The following SLC44A4 variants were observed in gnomAD, a reference collection of about 807,000 sequenced individuals.
SLC44A4 encodes choline transporter-like protein 4.
In SLC44A4, 74 loss-of-function variants were observed where a neutral mutation model predicts 97.0. The ratio of observed to expected loss-of-function variants is 0.76; its 90% CI spans 0.63 to 0.93. The LOEUF is 0.93. Among genes scored for constraint, SLC44A4 ranks in the 40% least tolerant of loss-of-function variants. The pLI is 0.00. For missense variants in SLC44A4, 799 were observed against 902.9 expected (o/e 0.88, Z 1.48); for synonymous variants, 325 against 363.8 (o/e 0.89, Z 1.21).
Position 31,876,709 on chromosome 6 carries a change from G to C in SLC44A4, c.89+325C>G, listed in dbSNP as rs949696837. Among the ~76,000 whole-genome samples, 5 of 152,138 alleles carry C rather than the reference G, an allele frequency of 3.3e-5. No individual in the cohort carries two copies. Among genetic ancestry groups the C allele is most frequent in the African/African-American group, 1.2e-4 (5 of 41,434 alleles). ...AACCCCCATCTCCAAAACACAAAAAGAAAGAAAACCTTTTTCTGGGTGGGT... is the reference window on the plus strand; with the variant it reads ...AACCCCCATCTCCAAAACACAAAAACAAAGAAAACCTTTTTCTGGGTGGGT... On this transcript the variant is annotated intron_variant, in intron 2 of 20. Coordinates refer to ENST00000229729, the MANE Select transcript of SLC44A4 (RefSeq NM_025257.3). This position sits in a 1 kb window ranked among gnomAD's most constrained non-coding sequence, Gnocchi z 4.8.
At position 31,878,882 on chromosome 6, in the gene SLC44A4, T is replaced by C. The variant is rs1306313624; in HGVS notation, c.40+59A>G. The C allele has an allele frequency of 1.3e-6, 2 of 1,580,606 alleles. No individual in the cohort carries two copies. Among genetic ancestry groups the C allele is most frequent in the African/African-American group, 2.7e-5 (2 of 74,168 alleles). The stretch of plus-strand genomic sequence containing the variant: ...CCCTGGAGCCAGCCCCAGACACCAT[T>C]CCCAAAGTACCCGTCCTCCCCTCCC... On this transcript the variant is annotated intron_variant, in intron 1 of 20. Transcript: ENST00000229729. The surrounding 1 kb of genome is among the most constrained non-coding windows in gnomAD (Gnocchi z 4.0).
chr6:31,876,273 T>C lies in SLC44A4; in HGVS notation c.90-144A>G. 1 of 634,698 alleles carries C rather than the reference T, an allele frequency of 1.6e-6. No individual in the cohort carries two copies. Among genetic ancestry groups the C allele is most frequent in the Non-Finnish European group, 2.7e-6 (1 of 372,438 alleles). The allele number at this position is 634,698 out of a possible 1,614,324, so 39.3% of individuals were successfully genotyped here. ...TTTATTTTTATTTTTTTATTGCTTT[T>C]ACTTTTTTATTTTGAGACAGGGTCT... On this transcript the variant is annotated intron_variant, in intron 2 of 20. Coordinates refer to ENST00000229729, the MANE Select transcript of SLC44A4 (RefSeq NM_025257.3). The surrounding 1 kb of genome is among the most constrained non-coding windows in gnomAD (Gnocchi z 4.8).
In SLC44A4 at chr6:31,871,027, AC is replaced by A. The variant is rs1308224020; in HGVS notation, c.721del (p.Val241SerfsTer2). On this transcript the variant is annotated frameshift_variant, in exon 10 of 21. Coordinates refer to ENST00000229729, the MANE Select transcript of SLC44A4 (RefSeq NM_025257.3). LOFTEE classifies it high-confidence loss of function. ...WILVALGVAL[V>X]LSLLFILLLR... ...AAGCAAGATAAACAGTAGGCTCAAG[AC>A]CAGAGCCACCCCCAGGGCACTGTAG... The A allele has an allele frequency of 6.2e-7, 1 of 1,609,186 alleles. No individual in the cohort carries two copies. Among genetic ancestry groups the A allele is most frequent in the Non-Finnish European group, 8.5e-7 (1 of 1,178,650 alleles).
chr6:31,875,090 C>G, intron 4 of SLC44A4, 62 bp from the exon 5 acceptor site: 1 of 1,344,362 alleles, frequency 7.4e-7, no homozygotes, highest in South Asian at 1.2e-5. Flanking sequence ...AGGGGAGGGA[C>G]CACTAGGGTG....
chr6:31,876,958 A>G lies in SLC44A4; in HGVS notation c.89+76T>C, dbSNP rs56236304. 1 of 1,408,992 alleles carries G rather than the reference A, an allele frequency of 7.1e-7. No homozygotes were observed. 87.3% of individuals were successfully genotyped at this position (1,408,992 alleles called of 1,614,324 possible). On this transcript the variant is annotated intron_variant, in intron 2 of 20. Transcript: ENST00000229729. The surrounding 1 kb of genome is among the most constrained non-coding windows in gnomAD (Gnocchi z 4.8). ...ACAAGTTTCCTACTAATATTTTAGC[A>G]AATACAAAGCAAATACTGGATTCCA...
chr6:31,872,505 G>A (rs2151565701), intron 7 of SLC44A4, among the ~76,000 whole-genome samples: 1 of 152,142 alleles, frequency 6.6e-6, no homozygotes, highest in East Asian at 1.9e-4. Context: ...CAAAGTGTTG[G>A]GATTACAGGT....
chr6:31,868,857 T>C (rs1762996557), intron 13 of SLC44A4, among the ~76,000 whole-genome samples: 1 of 151,288 alleles, frequency 6.6e-6, no homozygotes, highest in African/African-American at 2.4e-5. Flanking sequence ...ACTCAGAGGG[T>C]GAAGTGGTTG....
Position 31,878,935 on chromosome 6 carries a change from T to A in SLC44A4, c.40+6A>T. 6.2e-6 allele frequency: 10 copies of A among 1,613,502 alleles called. No homozygotes were observed. Among genetic ancestry groups the A allele is most frequent in the African/African-American group, 1.3e-5 (1 of 75,032 alleles). ...CACAGGGTCCCGGGCCTCGCCCCAGTCTCACCGTAGGCCTCGTCATCCTCG... is the reference window on the plus strand; with the variant it reads ...CACAGGGTCCCGGGCCTCGCCCCAGACTCACCGTAGGCCTCGTCATCCTCG... On this transcript the variant is annotated splice_donor_region_variant and intron_variant, in intron 1 of 20. Transcript: ENST00000229729. The surrounding 1 kb of genome is among the most constrained non-coding windows in gnomAD (Gnocchi z 4.0).
intron 4 of SLC44A4, 34 bp downstream of exon 4, chr6:31,875,818 G>C (rs201161599): frequency 1.3e-6 from 2 of 1,563,756 alleles, no homozygotes; most frequent in Admixed American, 3.5e-5. Flanking sequence ...ACCTCGCCTC[G>C]CTCCTGCACT....
At chr6:31,868,796 AAAAC>A (rs3037223) in intron 13 of SLC44A4, among the ~76,000 whole-genome samples, 66,422 of 148,582 alleles carry the variant, frequency 0.45, 15,284 homozygotes, top group Middle Eastern at 0.55. Flanking sequence ...ACCCTGTCTC[AAAAC>A]AAACAAACAA....
Position 31,874,312 on chromosome 6 carries a change from A to G in SLC44A4, c.529+148T>C, listed in dbSNP as rs941146770. The G allele has an allele frequency of 1.2e-4, 101 of 844,798 alleles. No individual in the cohort carries two copies. Among genetic ancestry groups the G allele is most frequent in the Non-Finnish European group, 1.8e-4 (93 of 513,040 alleles). The allele number at this position is 844,798 out of a possible 1,614,324, so 52.3% of individuals were successfully genotyped here. Reference sequence around the variant, plus strand: ...GATGGTCTGACTGCAAGGCCACATAACAAAGAGCAAAATGAAGACCTGATG... The same window carrying G: ...GATGGTCTGACTGCAAGGCCACATAGCAAAGAGCAAAATGAAGACCTGATG... On this transcript the variant is annotated intron_variant, in intron 7 of 20. Coordinates refer to ENST00000229729, the MANE Select transcript of SLC44A4 (RefSeq NM_025257.3). The surrounding 1 kb of genome is among the most constrained non-coding windows in gnomAD (Gnocchi z 4.8).
At chr6:31,873,601 C>T (rs1318825032) in intron 7 of SLC44A4, among the ~76,000 whole-genome samples, 1 of 149,706 alleles carries the variant, frequency 6.7e-6, no homozygotes, top group Non-Finnish European at 1.5e-5. Flanking sequence ...AGTTCAAGAC[C>T]AGCCTGGGCA....
At position 31,878,975 on chromosome 6, in the gene SLC44A4, C is replaced by T. The variant is rs756350991; in HGVS notation, c.6G>A (p.Gly2=). Residue 2 remains glycine, a synonymous_variant, in exon 1 of 21, where the codon GGG becomes GGA. Coordinates refer to ENST00000229729, the MANE Select transcript of SLC44A4 (RefSeq NM_025257.3). The surrounding 1 kb of genome is among the most constrained non-coding windows in gnomAD (Gnocchi z 4.0). ...CGTCATCCTCGTCCCGCTGCTTTCC[C>T]CCCATGGCTCAGTCTCCGGAGTGAT... M[G]GKQRDEDDEA... 1.2e-6 allele frequency: 2 copies of T among 1,613,758 alleles called. No homozygotes were observed. Among genetic ancestry groups the T allele is most frequent in the East Asian group, 2.2e-5 (1 of 44,886 alleles).
At position 31,863,419 on chromosome 6, in the gene SLC44A4, G is replaced by T; in HGVS notation, c.*208C>A. The T allele has an allele frequency of 3.6e-6, 2 of 563,210 alleles. No individual in the cohort carries two copies. The highest frequency in any genetic ancestry group is 5.8e-6 in the Non-Finnish European group (2 of 345,752). 34.9% of individuals were successfully genotyped at this position (563,210 alleles called of 1,614,324 possible). ...TTTTGTATTTTTAATAGAGACGGAG[G>T]TTTCACCATGTTGGCCAGGCTGGTC... On this transcript the variant is annotated 3_prime_UTR_variant, in exon 21 of 21. Coordinates refer to ENST00000229729, the MANE Select transcript of SLC44A4 (RefSeq NM_025257.3).
At chr6:31,873,116 C>T (rs909721252) in intron 7 of SLC44A4, among the ~76,000 whole-genome samples, 1 of 151,926 alleles carries the variant, frequency 6.6e-6, no homozygotes, top group Non-Finnish European at 1.5e-5. Context: ...ACCTTGTGAT[C>T]CGCCCGCCTC....
chr6:31,869,187 T>A lies in SLC44A4; in HGVS notation c.1201A>T (p.Lys401Ter), dbSNP rs2151559801. Reference protein sequence around the residue: ...ASNISSPGCEKVPINTSCNPT... With the variant: ...ASNISSPGCE ...TTGCATGATGTATTTATTGGCACTTTCTCACAGCCGGGGGAGCTGATGTTG... is the reference window on the plus strand; with the variant it reads ...TTGCATGATGTATTTATTGGCACTTACTCACAGCCGGGGGAGCTGATGTTG... Residue 401 changes from lysine to a stop codon, truncating the protein, a stop_gained, in exon 13 of 21, where the codon AAA becomes TAA. Coordinates refer to ENST00000229729, the MANE Select transcript of SLC44A4 (RefSeq NM_025257.3). LOFTEE classifies it high-confidence loss of function. 6.2e-7 allele frequency: 1 copy of A among 1,610,782 alleles called. No homozygotes were observed. Among genetic ancestry groups the A allele is most frequent in the Non-Finnish European group, 8.5e-7 (1 of 1,179,012 alleles).
chr6:31,864,704 G>A lies in SLC44A4; in HGVS notation c.1959C>T (p.Ser653=), dbSNP rs1460649537. 7 of 1,614,024 alleles carry A rather than the reference G, an allele frequency of 4.3e-6. No homozygotes were observed. The highest frequency in any genetic ancestry group is 5.9e-6 in the Non-Finnish European group (7 of 1,179,994). Residue 653 remains serine (S), a synonymous_variant, in exon 20 of 21, where the codon AGC becomes AGT. Coordinates refer to ENST00000229729, the MANE Select transcript of SLC44A4 (RefSeq NM_025257.3). ...ACATGCCGAAAACGCTGAAGAAGCC[G>A]CTGGCGATGACATAGGCCCCCAGGA... The part of the protein sequence containing the change: ...TSILGAYVIA[S]GFFSVFGMCV...
Position 31,878,814 on chromosome 6 carries a change from C to T in SLC44A4, c.40+127G>A, listed in dbSNP as rs572187617. On this transcript the variant is annotated intron_variant, in intron 1 of 20. Coordinates refer to ENST00000229729, the MANE Select transcript of SLC44A4 (RefSeq NM_025257.3). This position sits in a 1 kb window ranked among gnomAD's most constrained non-coding sequence, Gnocchi z 4.0. ...CCCTCCCTCCATGGCTCCCGGTTCC[C>T]GGGCCCTCCCCTCAGGGACACAGTA... The T allele has an allele frequency of 4.6e-4, 544 of 1,179,594 alleles. 1 individual carries two copies. The highest frequency in any genetic ancestry group is 6.0e-4 in the Non-Finnish European group (480 of 798,114). The allele number at this position is 1,179,594 out of a possible 1,614,324, so 73.1% of individuals were successfully genotyped here. A position where few individuals can be genotyped will look rare whatever the true frequency, so the allele number is the denominator to read the frequency against.
intron 13 of SLC44A4, among the ~76,000 whole-genome samples, chr6:31,868,917 G>A (rs1762998312): frequency 1.3e-5 from 2 of 152,136 alleles, no homozygotes; most frequent in Non-Finnish European, 2.9e-5. Context: ...AGTAAGTCCT[G>A]GTATCCAGGG....
Sources: gnomAD v4.1 joint callset for allele counts (sites outside exome capture counted in the v4.1 genomes callset) on GRCh38, gnomAD v4.1.1 for gene constraint, Gnocchi (gnomAD v3.1) non-coding constraint, MANE v1.5 for transcripts, NCBI Gene and HGNC (gene_info 2026-07-23, HGNC 2026-07-21) for gene names.